The following SSTR4 variants were observed in gnomAD, a reference collection of about 807,000 sequenced individuals.
The protein encoded by SSTR4 is somatostatin receptor 4, also known as somatostatin receptor type 4.
For missense variants in SSTR4, 649 were observed against 540.6 expected (o/e 1.20, Z -1.99); for synonymous variants, 272 against 246.3 (o/e 1.10, Z -0.98).
Position 23,035,474 on chromosome 20 carries a change from A to G in SSTR4, c.-10A>G. The G allele has an allele frequency of 6.8e-7, 1 of 1,471,460 alleles. No individual in the cohort carries two copies. The highest frequency in any genetic ancestry group is 8.9e-7 in the Non-Finnish European group (1 of 1,121,262). 91.2% of individuals were successfully genotyped at this position (1,471,460 alleles called of 1,614,324 possible). A position where few individuals can be genotyped will look rare whatever the true frequency, so the allele number is the denominator to read the frequency against. ...CCGCGCTCAGCTGCCCTGCGCCGGC[A>G]CCCCTGGTCATGAGCGCCCCCTCGA... On this transcript the variant is annotated 5_prime_UTR_variant, in exon 1 of 1. Coordinates refer to ENST00000255008, the MANE Select transcript of SSTR4 (RefSeq NM_001052.4).
chr20:23,035,606 C>T lies in SSTR4; in HGVS notation c.123C>T (p.Asp41=). Residue 41 remains aspartate (D), a synonymous_variant, in exon 1 of 1, where the codon GAC becomes GAT. Transcript: ENST00000255008. The part of the protein sequence containing the change: ...EAEEAVAGPG[D]ARAAGMVAIQ... The stretch of plus-strand genomic sequence containing the variant: ...AGGAGGCGGTGGCGGGGCCCGGGGA[C>T]GCGCGGGCGGCGGGCATGGTCGCTA... 1 of 1,549,742 alleles carries T rather than the reference C, an allele frequency of 6.5e-7. No homozygotes were observed. Among genetic ancestry groups the T allele is most frequent in the Admixed American group, 2.0e-5 (1 of 49,412 alleles).
chr20:23,035,511 G>C lies in SSTR4; in HGVS notation c.28G>C (p.Gly10Arg). 1 of 1,563,154 alleles carries C rather than the reference G, an allele frequency of 6.4e-7. No individual in the cohort carries two copies. The highest frequency in any genetic ancestry group is 8.6e-7 in the Non-Finnish European group (1 of 1,160,396). Residue 10 changes from glycine to arginine, a missense_variant, in exon 1 of 1, where the codon GGG becomes CGG. Transcript: ENST00000255008. MSAPSTLPP[G>R]GEEGLGTAWP... ...GAGCGCCCCCTCGACGCTGCCCCCC[G>C]GGGGCGAGGAAGGGCTGGGGACGGC... is the stretch of plus-strand genomic sequence containing the variant.
Position 23,035,733 on chromosome 20 carries a change from A to ATC in SSTR4, c.252_253dup (p.Tyr85SerfsTer8), listed in dbSNP as rs1247351971. ...CGCCAAGATGAAGACGGCTACCAAC[A>ATC]TCTACCTGCTCAACCTGGCCGTAGC... On this transcript the variant is annotated frameshift_variant, in exon 1 of 1. Transcript: ENST00000255008. LOFTEE classifies it low-confidence loss of function (END_TRUNC). 1 of 1,581,142 alleles carries ATC rather than the reference A, an allele frequency of 6.3e-7. No homozygotes were observed. Among genetic ancestry groups the ATC allele is most frequent in the Non-Finnish European group, 8.6e-7 (1 of 1,164,206 alleles).
In SSTR4 at chr20:23,037,060, G is replaced by A. The variant is rs138594479; in HGVS notation, c.*410G>A. On this transcript the variant is annotated 3_prime_UTR_variant, in exon 1 of 1. Coordinates refer to ENST00000255008, the MANE Select transcript of SSTR4 (RefSeq NM_001052.4). ...CTGCAGACGCTCTGCCTTGTGGTGG[G>A]AGCACAGCTTGTACAGGAGAGAGGA... Among the ~76,000 whole-genome samples the A allele has an allele frequency of 1.6e-4, 24 of 152,308 alleles. No individual in the cohort carries two copies. The highest frequency in any genetic ancestry group is 2.6e-4 in the Non-Finnish European group (18 of 68,032).
In SSTR4 at chr20:23,036,415, A is replaced by G. The variant is rs1469609136; in HGVS notation, c.932A>G (p.Tyr311Cys). The G allele has an allele frequency of 6.8e-6, 11 of 1,613,870 alleles. No individual in the cohort carries two copies. The highest frequency in any genetic ancestry group is 8.5e-6 in the Non-Finnish European group (10 of 1,179,934). The change falls in exon 1 of 1, where the codon TAT becomes TGT. Residue 311 changes from tyrosine to cysteine, a missense_variant. Transcript: ENST00000255008. Reference protein sequence around the residue: ...YANSCANPILYGFLSDNFRRF... With the variant: ...YANSCANPILCGFLSDNFRRF... ...AACAGCTGCGCCAACCCCATTCTCT[A>G]TGGCTTCCTCTCCGACAACTTCCGC... is the stretch of plus-strand genomic sequence containing the variant.
In SSTR4 at chr20:23,037,065, C is replaced by T. The variant is rs538360761; in HGVS notation, c.*415C>T. On this transcript the variant is annotated 3_prime_UTR_variant, in exon 1 of 1. Transcript: ENST00000255008. ...GACGCTCTGCCTTGTGGTGGGAGCA[C>T]AGCTTGTACAGGAGAGAGGAGGAAG... is the stretch of plus-strand genomic sequence containing the variant. Among the ~76,000 whole-genome samples, 8 of 152,304 alleles carry T rather than the reference C, an allele frequency of 5.3e-5. No individual in the cohort carries two copies. The highest frequency in any genetic ancestry group is 1.9e-4 in the African/African-American group (8 of 41,556).
Position 23,035,918 on chromosome 20 carries a change from C to G in SSTR4, c.435C>G (p.Tyr145Ter), listed in dbSNP as rs777653539. The G allele has an allele frequency of 2.5e-6, 4 of 1,612,856 alleles. No individual in the cohort carries two copies. The highest frequency in any genetic ancestry group is 2.5e-6 in the Non-Finnish European group (3 of 1,179,680). ...FCLTVLSVDR[Y>*]VAVVHPLRAA... ...TCACCGTGCTCAGCGTGGACCGCTA[C>G]GTGGCCGTGGTGCACCCTCTGCGCG... The change falls in exon 1 of 1, where the codon TAC becomes TAG. Residue 145 changes from tyrosine (Y) to a stop codon, truncating the protein, a stop_gained. Coordinates refer to ENST00000255008, the MANE Select transcript of SSTR4 (RefSeq NM_001052.4). LOFTEE classifies it low-confidence loss of function (END_TRUNC).
rs945793944 is a variant in SSTR4, at chr20:23,036,738, C to T, written c.*88C>T. The stretch of plus-strand genomic sequence containing the variant: ...CCCCGAAGACTGCATCTCCTGAATG[C>T]TCACCTAAGCTCCACCACCTGTTCC... On this transcript the variant is annotated 3_prime_UTR_variant, in exon 1 of 1. Coordinates refer to ENST00000255008, the MANE Select transcript of SSTR4 (RefSeq NM_001052.4). The T allele has an allele frequency of 6.4e-6, 9 of 1,404,952 alleles. No individual in the cohort carries two copies. The highest frequency in any genetic ancestry group is 4.2e-5 in the South Asian group (3 of 71,822). 87.0% of individuals were successfully genotyped at this position (1,404,952 alleles called of 1,614,324 possible). A position where few individuals can be genotyped will look rare whatever the true frequency, so the allele number is the denominator to read the frequency against.
Position 23,035,946 on chromosome 20 carries a change from G to A in SSTR4, c.463G>A (p.Ala155Thr). The A allele has an allele frequency of 6.2e-7, 1 of 1,610,846 alleles. No homozygotes were observed. Among genetic ancestry groups the A allele is most frequent in the Admixed American group, 1.7e-5 (1 of 59,856 alleles). ...YVAVVHPLRAATYRRPSVAKL... is the reference protein window; with the variant it reads ...YVAVVHPLRATTYRRPSVAKL... ...GGCCGTGGTGCACCCTCTGCGCGCGGCGACCTACCGGCGGCCCAGCGTGGC... is the reference window on the plus strand; with the variant it reads ...GGCCGTGGTGCACCCTCTGCGCGCGACGACCTACCGGCGGCCCAGCGTGGC... The change falls in exon 1 of 1, where the codon GCG (alanine) becomes ACG (threonine). Residue 155 changes from alanine to threonine, a missense_variant. Ala to Thr is a moderately conservative substitution (Grantham distance 58). Coordinates refer to ENST00000255008, the MANE Select transcript of SSTR4 (RefSeq NM_001052.4).
Position 23,035,956 on chromosome 20 carries a change from G to A in SSTR4, c.473G>A (p.Arg158Gln), listed in dbSNP as rs377078024. 1.1e-5 allele frequency: 18 copies of A among 1,609,354 alleles called. No homozygotes were observed. The highest frequency in any genetic ancestry group is 2.2e-5 in the East Asian group (1 of 44,800). Reference sequence around the variant, plus strand: ...CACCCTCTGCGCGCGGCGACCTACCGGCGGCCCAGCGTGGCCAAGCTCATC... The same window carrying A: ...CACCCTCTGCGCGCGGCGACCTACCAGCGGCCCAGCGTGGCCAAGCTCATC... ...VVHPLRAATY[R>Q]RPSVAKLINL... Residue 158 changes from arginine to glutamine, a missense_variant, in exon 1 of 1, where the codon CGG (arginine) becomes CAG (glutamine). Coordinates refer to ENST00000255008, the MANE Select transcript of SSTR4 (RefSeq NM_001052.4).
chr20:23,035,567 T>G lies in SSTR4; in HGVS notation c.84T>G (p.Ala28=). Residue 28 remains alanine, a synonymous_variant, in exon 1 of 1, where the codon GCT becomes GCG. Coordinates refer to ENST00000255008, the MANE Select transcript of SSTR4 (RefSeq NM_001052.4). ...AWPSAANASS[A]PAEAEEAVAG... is the part of the protein sequence containing the mutation. ...CCTCTGCAGCCAATGCCAGTAGCGC[T>G]CCGGCGGAGGCGGAGGAGGCGGTGG... is the stretch of plus-strand genomic sequence containing the variant. The G allele has an allele frequency of 6.3e-7, 1 of 1,587,742 alleles. No homozygotes were observed. The highest frequency in any genetic ancestry group is 8.5e-7 in the Non-Finnish European group (1 of 1,169,592).
chr20:23,036,621 A>C lies in SSTR4; in HGVS notation c.1138A>C (p.Ile380Leu), dbSNP rs1006724208. Reference sequence around the variant, plus strand: ...GCAACCAGAACCCGGCCGCAAGCGCATCCCCCTCACCAGGACCACCACCTT... The same window carrying C: ...GCAACCAGAACCCGGCCGCAAGCGCCTCCCCCTCACCAGGACCACCACCTT... ...ALQPEPGRKR[I>L]PLTRTTTF The change falls in exon 1 of 1, where the codon ATC becomes CTC. Residue 380 changes from isoleucine to leucine, a missense_variant. Physicochemically the swap from Ile to Leu is conservative, Grantham distance 5. Coordinates refer to ENST00000255008, the MANE Select transcript of SSTR4 (RefSeq NM_001052.4). The C allele has an allele frequency of 1.7e-5, 27 of 1,567,288 alleles. No individual in the cohort carries two copies. Among genetic ancestry groups the C allele is most frequent in the Non-Finnish European group, 2.2e-5 (26 of 1,157,668 alleles).
rs1984333270 is a variant in SSTR4 at position 23,036,582 on chromosome 20, C to T, written c.1099C>T (p.Gln367Ter). The change falls in exon 1 of 1, where the codon CAG becomes TAG. Residue 367 changes from glutamine to a stop codon, truncating the protein, a stop_gained. Transcript: ENST00000255008. LOFTEE classifies it low-confidence loss of function (END_TRUNC). ...AGCMCPPLPC[Q>*]QEALQPEPGR... ...GTGCATGTGCCCCCCACTCCCCTGC[C>T]AGCAGGAAGCCCTGCAACCAGAACC... The T allele has an allele frequency of 6.3e-7, 1 of 1,597,020 alleles. No individual in the cohort carries two copies. Among genetic ancestry groups the T allele is most frequent in the Admixed American group, 1.7e-5 (1 of 57,768 alleles).
At position 23,035,756 on chromosome 20, in the gene SSTR4, A is replaced by G; in HGVS notation, c.273A>G (p.Val91=). The G allele has an allele frequency of 6.3e-7, 1 of 1,590,782 alleles. No homozygotes were observed. The highest frequency in any genetic ancestry group is 8.6e-7 in the Non-Finnish European group (1 of 1,168,558). The change falls in exon 1 of 1, where the codon GTA becomes GTG. Residue 91 remains valine (V), a synonymous_variant. Transcript: ENST00000255008. The stretch of plus-strand genomic sequence containing the variant: ...ACATCTACCTGCTCAACCTGGCCGT[A>G]GCCGACGAGCTCTTCATGCTGAGCG... ...ATNIYLLNLA[V]ADELFMLSVP...
rs1025159634 is a variant in SSTR4 at position 23,037,096 on chromosome 20, T to A, written c.*446T>A. On this transcript the variant is annotated 3_prime_UTR_variant, in exon 1 of 1. Transcript: ENST00000255008. Reference sequence around the variant, plus strand: ...GTACAGGAGAGAGGAGGAAGGAAGATGCCCCCAGGCACCTGCCCTTTATGT... The same window carrying A: ...GTACAGGAGAGAGGAGGAAGGAAGAAGCCCCCAGGCACCTGCCCTTTATGT... Among the ~76,000 whole-genome samples, 1 of 152,194 alleles carries A rather than the reference T, an allele frequency of 6.6e-6. No individual in the cohort carries two copies. Among genetic ancestry groups the A allele is most frequent in the Non-Finnish European group, 1.5e-5 (1 of 68,034 alleles).
At position 23,038,254 on chromosome 20, in the gene SSTR4, A is replaced by T. The variant is rs1984380305; in HGVS notation, c.*1604A>T. ...ACAATGCCTGCCAGGATGGGCACTG[A>T]TGAATATGGTTGAACGGAACTCCAA... is the stretch of plus-strand genomic sequence containing the variant. On this transcript the variant is annotated 3_prime_UTR_variant, in exon 1 of 1. Transcript: ENST00000255008. 2 of 152,240 alleles carry T rather than the reference A, an allele frequency of 1.3e-5. No homozygotes were observed. Among genetic ancestry groups the T allele is most frequent in the South Asian group, 4.1e-4 (2 of 4,820 alleles). The allele number at this position is 152,240 out of a possible 1,614,324, so 9.4% of individuals were successfully genotyped here.
In SSTR4 at chr20:23,035,958, C is replaced by T. The variant is rs1449409868; in HGVS notation, c.475C>T (p.Arg159Trp). ...CCCTCTGCGCGCGGCGACCTACCGG[C>T]GGCCCAGCGTGGCCAAGCTCATCAA... ...VHPLRAATYR[R>W]PSVAKLINLG... The change falls in exon 1 of 1, where the codon CGG (arginine) becomes TGG (tryptophan). Residue 159 changes from arginine to tryptophan, a missense_variant. Physicochemically the swap from Arg to Trp is moderately radical, Grantham distance 101. Coordinates refer to ENST00000255008, the MANE Select transcript of SSTR4 (RefSeq NM_001052.4). The T allele has an allele frequency of 1.2e-6, 2 of 1,608,850 alleles. No homozygotes were observed. The highest frequency in any genetic ancestry group is 8.5e-7 in the Non-Finnish European group (1 of 1,178,736).
chr20:23,036,927 C>G lies in SSTR4; in HGVS notation c.*277C>G. The G allele has an allele frequency of 4.8e-6, 2 of 420,492 alleles. No individual in the cohort carries two copies. Among genetic ancestry groups the G allele is most frequent in the East Asian group, 7.0e-5 (2 of 28,516 alleles). The allele number at this position is 420,492 out of a possible 1,614,324, so 26.0% of individuals were successfully genotyped here. A position where few individuals can be genotyped will look rare whatever the true frequency, so the allele number is the denominator to read the frequency against. On this transcript the variant is annotated 3_prime_UTR_variant, in exon 1 of 1. Transcript: ENST00000255008. Reference sequence around the variant, plus strand: ...TGAACCTCTGGCTGTTCTTCAAGGGCTGGGAAGCAGGAGGTGGTGAGAAAT... The same window carrying G: ...TGAACCTCTGGCTGTTCTTCAAGGGGTGGGAAGCAGGAGGTGGTGAGAAAT...
In SSTR4 at chr20:23,035,504, G is replaced by T; in HGVS notation, c.21G>T (p.Leu7=). ...TGGTCATGAGCGCCCCCTCGACGCT[G>T]CCCCCCGGGGGCGAGGAAGGGCTGG... The part of the protein sequence containing the change: MSAPST[L]PPGGEEGLGT... Residue 7 remains leucine, a synonymous_variant, in exon 1 of 1, where the codon CTG becomes CTT. Transcript: ENST00000255008. 6.4e-7 allele frequency: 1 copy of T among 1,556,100 alleles called. No individual in the cohort carries two copies. The highest frequency in any genetic ancestry group is 8.6e-7 in the Non-Finnish European group (1 of 1,157,702).
Sources: gnomAD v4.1 joint callset for allele counts (sites outside exome capture counted in the v4.1 genomes callset) on GRCh38, gnomAD v4.1.1 for gene constraint, MANE v1.5 for transcripts, NCBI Gene and HGNC (gene_info 2026-07-23, HGNC 2026-07-21) for gene names.